The following SENP7 variants were observed in gnomAD, a reference collection of about 807,000 sequenced individuals.
SENP7 encodes SUMO specific peptidase 7, also known as sentrin-specific protease 7.
In SENP7, 64 loss-of-function variants were observed where a neutral mutation model predicts 141.2. That is an observed-to-expected ratio of 0.45 (90% CI 0.37 to 0.56). The LOEUF (loss-of-function observed/expected upper bound fraction) is 0.56, where lower values mean the gene tolerates loss of function less well. Ranked by LOEUF, SENP7 falls within the 20% of genes least tolerant of loss-of-function variation. SENP7 has a pLI of 0.00. For missense variants in SENP7, 1,025 were observed against 1,212.2 expected, an observed-to-expected ratio of 0.85 and a Z score of 2.29; for synonymous variants, 382 against 426.4, an observed-to-expected ratio of 0.90 and a Z score of 1.28.
At chr3:101,386,970 C>T (rs1241721123) in intron 6 of SENP7, among the ~76,000 whole-genome samples, 1 of 152,240 alleles carries the variant, frequency 6.6e-6, no homozygotes, top group African/African-American at 2.4e-5. Flanking sequence ...AATGTTGGCA[C>T]CCAAGTACAT....
intron 11 of SENP7, among the ~76,000 whole-genome samples, chr3:101,361,328 T>C (rs2059896427): frequency 1.3e-5 from 2 of 152,182 alleles, no homozygotes; most frequent in Non-Finnish European, 1.5e-5. Flanking sequence ...GATTAGTTCC[T>C]GGATATCCTT....
At chr3:101,472,639 T>A (rs1482147286) in intron 3 of SENP7, among the ~76,000 whole-genome samples, 1 of 151,966 alleles carries the variant, frequency 6.6e-6, no homozygotes, top group Non-Finnish European at 1.5e-5. Context: ...ACCCTAGAGC[T>A]TAAAGTATAA....
chr3:101,387,248 C>T lies in SENP7; in HGVS notation c.677+11613G>A, dbSNP rs73863098. On this transcript the variant is annotated intron_variant, in intron 6 of 23. Coordinates refer to ENST00000394095, the MANE Select transcript of SENP7 (RefSeq NM_020654.5). Reference sequence around the variant, plus strand: ...GCTGTCCAGGGATTAAAAAAATCAACCCACCATACCAACTACCACCAGTAC... The same window carrying T: ...GCTGTCCAGGGATTAAAAAAATCAATCCACCATACCAACTACCACCAGTAC... 8.8e-3 allele frequency among the ~76,000 whole-genome samples: 1,333 copies of T among 152,254 alleles called. 24 individuals carry two copies. Among genetic ancestry groups the T allele is most frequent in the African/African-American group, 0.03 (1,232 of 41,536 alleles).
chr3:101,421,247 T>C (rs541132041), intron 4 of SENP7, among the ~76,000 whole-genome samples: 2 of 152,230 alleles, frequency 1.3e-5, no homozygotes, highest in South Asian at 4.1e-4. Context: ...TATGTATATA[T>C]GTGATGCCCA....
chr3:101,479,122 T>C (rs998829685), intron 3 of SENP7, among the ~76,000 whole-genome samples: 2 of 152,174 alleles, frequency 1.3e-5, no homozygotes, highest in African/African-American at 4.8e-5. Flanking sequence ...GCTAAAAGAC[T>C]TCCCTCTAAG....
At chr3:101,417,516 A>G in intron 5 of SENP7, 77 bp downstream of exon 5, 1 of 1,227,422 alleles carries the variant, frequency 8.1e-7, no homozygotes, top group African/African-American at 1.5e-5. Context: ...CATTTCAACA[A>G]TTTTATCATT....
chr3:101,479,606 CA>C (rs200742227), intron 3 of SENP7, among the ~76,000 whole-genome samples: 9,687 of 122,548 alleles, frequency 0.079, 586 homozygotes, highest in East Asian at 0.26. Flanking sequence ...GAAACTGTGT[CA>C]AAAAAAAAAA....
At chr3:101,426,482 GATT>G (rs1256674269) in intron 4 of SENP7, among the ~76,000 whole-genome samples, 1 of 115,328 alleles carries the variant, frequency 8.7e-6, no homozygotes, top group Non-Finnish European at 1.8e-5. Flanking sequence ...GGAGAAATAA[GATT>G]TTTTTTTTTT....
chr3:101,332,864 T>C lies in SENP7; in HGVS notation c.2481-2A>G. On this transcript the variant is annotated splice_acceptor_variant, in intron 17 of 23. Transcript: ENST00000394095. LOFTEE classifies it high-confidence loss of function. ...CTTTTATGTCTTCTCTGTGCCATTC[T>C]GAGAGTATGAAAGACAGATTTGATA... 6.3e-7 allele frequency: 1 copy of C among 1,576,912 alleles called. No individual in the cohort carries two copies. Among genetic ancestry groups the C allele is most frequent in the South Asian group, 1.2e-5 (1 of 81,786 alleles).
chr3:101,431,991 G>T (rs1209934809), intron 4 of SENP7, among the ~76,000 whole-genome samples: 3 of 152,184 alleles, frequency 2.0e-5, no homozygotes, highest in African/African-American at 7.2e-5. Flanking sequence ...GGCTCTTGGG[G>T]TCCCTAATTC....
At chr3:101,332,898 T>C (rs2107125167) in intron 17 of SENP7, 36 bp from the exon 18 acceptor site, 2 of 1,548,438 alleles carry the variant, frequency 1.3e-6, no homozygotes, top group Non-Finnish European at 8.6e-7. Flanking sequence ...TATATAAAAA[T>C]TTTTTCATTT....
chr3:101,409,433 A>G (rs1306362625), intron 5 of SENP7, among the ~76,000 whole-genome samples: 1 of 152,220 alleles, frequency 6.6e-6, no homozygotes, highest in Non-Finnish European at 1.5e-5. Flanking sequence ...GAATTAGAAA[A>G]AACAATTATA....
Position 101,328,670 on chromosome 3 carries a change from G to T in SENP7, c.2771C>A (p.Ser924Ter). ...CCTTTTACACATTTTCTTTGGTACT[G>T]ACATATTCGACTCGGTACTCTGAAA... ...EDSQSTESNMSVPKKMCKRPC... is the reference protein window; with the variant it reads ...EDSQSTESNM The change falls in exon 21 of 24, where the codon TCA becomes TAA. Residue 924 changes from serine to a stop codon, truncating the protein, a stop_gained. Transcript: ENST00000394095. LOFTEE classifies it high-confidence loss of function. 1 of 1,607,578 alleles carries T rather than the reference G, an allele frequency of 6.2e-7. No homozygotes were observed. Among genetic ancestry groups the T allele is most frequent in the Non-Finnish European group, 8.5e-7 (1 of 1,176,300 alleles).
intron 3 of SENP7, among the ~76,000 whole-genome samples, chr3:101,463,400 T>TATATAC (rs1553744826): frequency 1.3e-5 from 1 of 77,988 alleles, no homozygotes; most frequent in Non-Finnish European, 2.4e-5. Context: ...TATATATACA[T>TATATAC]ATATATATAT....
At position 101,326,006 on chromosome 3, in the gene SENP7, C is replaced by A. The variant is rs751899039; in HGVS notation, c.3090G>T (p.Arg1030=). The A allele has an allele frequency of 6.2e-7, 1 of 1,610,916 alleles. No individual in the cohort carries two copies. The highest frequency in any genetic ancestry group is 1.1e-5 in the South Asian group (1 of 90,774). The change falls in exon 24 of 24, where the codon CGG becomes CGT. Residue 1030 remains arginine (R), a synonymous_variant. Transcript: ENST00000394095. ...WFPRHVIKTK[R]EDIRELILKL... ...TCAAGATGAGCTCTCGAATATCTTC[C>A]CGTTTGGTCTTTATTACATGACGAG...
intron 6 of SENP7, among the ~76,000 whole-genome samples, chr3:101,385,051 A>C (rs2060613665): frequency 6.6e-6 from 1 of 152,234 alleles, no homozygotes; most frequent in South Asian, 2.1e-4. Flanking sequence ...CCTACGGCTT[A>C]TCAAAAAAAG....
At chr3:101,464,941 T>C (rs541415634) in intron 3 of SENP7, among the ~76,000 whole-genome samples, 138 of 152,304 alleles carry the variant, frequency 9.1e-4, no homozygotes, top group Middle Eastern at 3.4e-3. Context: ...AAATTTAATG[T>C]TATGCTTTAT....
chr3:101,487,092 T>C (rs2108068839), intron 3 of SENP7, among the ~76,000 whole-genome samples: 1 of 152,268 alleles, frequency 6.6e-6, no homozygotes, highest in Admixed American at 6.5e-5. Flanking sequence ...TATACACACC[T>C]AACACTGGCA....
chr3:101,369,148 A>C (rs1049014357), intron 7 of SENP7, among the ~76,000 whole-genome samples: 4 of 152,238 alleles, frequency 2.6e-5, no homozygotes, highest in African/African-American at 9.6e-5. Context: ...GTACTGTACA[A>C]AAATACCTTC....
Sources: gnomAD v4.1 joint callset for allele counts (sites outside exome capture counted in the v4.1 genomes callset) on GRCh38, gnomAD v4.1.1 for gene constraint, MANE v1.5 for transcripts, NCBI Gene and HGNC (gene_info 2026-07-23, HGNC 2026-07-21) for gene names.